Variants in SPTLC2 observed in about 807,000 individuals in gnomAD.
The protein encoded by SPTLC2 is serine palmitoyltransferase long chain base subunit 2.
SPTLC2 carries 21 observed loss-of-function variants against 62.0 expected under a neutral mutation model. The ratio of observed to expected loss-of-function variants is 0.34; its 90% CI spans 0.24 to 0.49. The LOEUF is 0.49. Ranked by LOEUF, SPTLC2 falls within the 20% of genes least tolerant of loss-of-function variation. The probability of loss-of-function intolerance (pLI) is 0.99; values close to 1 mark genes in which losing one functional copy is unlikely to be tolerated. For synonymous variants in SPTLC2, 261 were observed against 261.8 expected, an observed-to-expected ratio of 1.00 and a Z score of 0.03; for missense variants, 511 against 713.0, an observed-to-expected ratio of 0.72 and a Z score of 3.23.
At chr14:77,571,380 T>C (rs1362382926) in intron 4 of SPTLC2, among the ~76,000 whole-genome samples, 1 of 151,848 alleles carries the variant, frequency 6.6e-6, no homozygotes, top group Non-Finnish European at 1.5e-5. Context: ...CATGGTGGCG[T>C]GTGCCTGTAA....
At position 77,555,484 on chromosome 14, in the gene SPTLC2, A is replaced by G. The variant is rs750751524; in HGVS notation, c.992T>C (p.Ile331Thr). Reference protein sequence around the residue: ...EGSIVRLPEVIALKKKYKAYL... With the variant: ...EGSIVRLPEVTALKKKYKAYL... Reference sequence around the variant, plus strand: ...TGCCTTGTATTTCTTCTTGAGGGCAATCACTTCAGGAAGACGAACAATAGA... The same window carrying G: ...TGCCTTGTATTTCTTCTTGAGGGCAGTCACTTCAGGAAGACGAACAATAGA... The change falls in exon 8 of 12, where the codon ATT becomes ACT. Residue 331 changes from isoleucine (I) to threonine (T), a missense_variant. Coordinates refer to ENST00000216484, the MANE Select transcript of SPTLC2 (RefSeq NM_004863.4). The G allele has an allele frequency of 5.6e-6, 9 of 1,614,076 alleles. No homozygotes were observed. The highest frequency in any genetic ancestry group is 5.0e-5 in the Admixed American group (3 of 59,988).
At chr14:77,521,680 C>G in intron 9 of SPTLC2, 99 bp from the exon 10 acceptor site, 1 of 1,142,274 alleles carries the variant, frequency 8.8e-7, no homozygotes, top group Non-Finnish European at 1.3e-6. Context: ...CTAATCAGTT[C>G]TGTTTCGTTT....
chr14:77,558,552 C>T (rs1009931845), intron 6 of SPTLC2, among the ~76,000 whole-genome samples: 3 of 152,042 alleles, frequency 2.0e-5, no homozygotes, highest in African/African-American at 4.8e-5. Context: ...AATCTGCATA[C>T]GACCTAATCA....
chr14:77,575,793 A>G (rs2079712439), intron 4 of SPTLC2, among the ~76,000 whole-genome samples: 1 of 152,210 alleles, frequency 6.6e-6, no homozygotes, highest in Admixed American at 6.5e-5. Flanking sequence ...TTGGCCTCAC[A>G]AAGTGCTGGG....
intron 9 of SPTLC2, among the ~76,000 whole-genome samples, chr14:77,524,657 C>T (rs976097865): frequency 2.6e-5 from 4 of 152,180 alleles, no homozygotes; most frequent in African/African-American, 7.2e-5. Flanking sequence ...ATGCACACAA[C>T]GGAATACTAT....
chr14:77,599,808 T>C (rs1377607911), intron 1 of SPTLC2, among the ~76,000 whole-genome samples: 1 of 152,110 alleles, frequency 6.6e-6, no homozygotes, highest in Non-Finnish European at 1.5e-5. Context: ...AACATAACAA[T>C]ATAAAAAAGT....
At chr14:77,556,685 C>T (rs958044322) in intron 7 of SPTLC2, among the ~76,000 whole-genome samples, 8 of 152,068 alleles carry the variant, frequency 5.3e-5, no homozygotes, top group African/African-American at 1.9e-4. Context: ...AGCCACTGCA[C>T]TCAGCCTAAA....
chr14:77,535,643 G>C (rs2079465790), intron 9 of SPTLC2: 1 of 183,816 alleles, frequency 5.4e-6, no homozygotes, highest in Non-Finnish European at 1.1e-5. Flanking sequence ...TGCATATGAG[G>C]TATGAGACCA....
intron 7 of SPTLC2, among the ~76,000 whole-genome samples, chr14:77,556,806 A>G (rs1268836623): frequency 6.6e-6 from 1 of 152,240 alleles, no homozygotes; most frequent in East Asian, 1.9e-4. Flanking sequence ...AGAAAAATAA[A>G]AGACTCAAAT....
rs371439273 is a variant in SPTLC2, at chr14:77,570,576, TAAAAG to T, written c.632-73_632-69del. 25,615 of 1,593,618 alleles carry T rather than the reference TAAAAG, an allele frequency of 0.016. 313 individuals carry two copies. The highest frequency in any genetic ancestry group is 0.039 in the South Asian group (3,521 of 90,176). On this transcript the variant is annotated intron_variant, in intron 4 of 11. Coordinates refer to ENST00000216484, the MANE Select transcript of SPTLC2 (RefSeq NM_004863.4). ...ATTTAAGAATTACTCATCACTTTAT[TAAAAG>T]AAATCATAGTATATGTGTTGTGTCC...
chr14:77,567,202 C>T (rs978515660), intron 5 of SPTLC2, among the ~76,000 whole-genome samples: 2 of 152,110 alleles, frequency 1.3e-5, no homozygotes, highest in Non-Finnish European at 2.9e-5. Context: ...GATCTCCACC[C>T]GTCTCAGCCT....
chr14:77,611,617 G>T (rs2079938177), intron 1 of SPTLC2, among the ~76,000 whole-genome samples: 1 of 152,114 alleles, frequency 6.6e-6, no homozygotes, highest in Non-Finnish European at 1.5e-5. Flanking sequence ...CCTGAGGTCA[G>T]GAGTTCGAGA....
chr14:77,581,779 T>C (rs1351094681), intron 2 of SPTLC2, among the ~76,000 whole-genome samples: 1 of 152,176 alleles, frequency 6.6e-6, no homozygotes, highest in African/African-American at 2.4e-5. Context: ...ATAAATAACA[T>C]GTCTATCACA....
intron 2 of SPTLC2, among the ~76,000 whole-genome samples, chr14:77,581,893 C>A (rs953178191): frequency 1.3e-5 from 2 of 152,002 alleles, no homozygotes; most frequent in Admixed American, 6.6e-5. Flanking sequence ...CTAATTAAAA[C>A]TTTTTATTTG....
intron 2 of SPTLC2, among the ~76,000 whole-genome samples, chr14:77,593,560 T>C (rs1177947404): frequency 6.6e-6 from 1 of 152,174 alleles, no homozygotes; most frequent in Non-Finnish European, 1.5e-5. Flanking sequence ...GGTAAAGAAT[T>C]CCAAGAATTT....
chr14:77,513,408 A>T (rs1286912281), intron 11 of SPTLC2, among the ~76,000 whole-genome samples: 3 of 152,172 alleles, frequency 2.0e-5, no homozygotes, highest in Admixed American at 6.5e-5. Flanking sequence ...AATATTCTTC[A>T]TTTCAAAATG....
chr14:77,559,837 G>T (rs1280108814), intron 6 of SPTLC2, among the ~76,000 whole-genome samples: 1 of 152,144 alleles, frequency 6.6e-6, no homozygotes, highest in African/African-American at 2.4e-5. Flanking sequence ...GCTGTGGTGA[G>T]TTGTGGTTCT....
rs1247157555 is a variant in SPTLC2, at chr14:77,577,873, C to G, written c.483-958G>C. ...CAAGATGGTGCCACTGCACTCCAGC[C>G]TGGGTGACAGAGCAAGACTCTGACA... On this transcript the variant is annotated intron_variant, in intron 3 of 11. Coordinates refer to ENST00000216484, the MANE Select transcript of SPTLC2 (RefSeq NM_004863.4). 2.0e-5 allele frequency among the ~76,000 whole-genome samples: 3 copies of G among 152,164 alleles called. No homozygotes were observed. The East Asian group carries it at 5.8e-4, about 29-fold the overall frequency.
rs2139986580 is a variant in SPTLC2 at position 77,508,658 on chromosome 14, GAAGCA to G, written c.*3621_*3625del. ...CCCCCTGGTTTTCACCAATAAGAAG[GAAGCA>G]AAGTGTATAACACACTAGAAAATTC... is the stretch of plus-strand genomic sequence containing the variant. On this transcript the variant is annotated 3_prime_UTR_variant, in exon 12 of 12. Coordinates refer to ENST00000216484, the MANE Select transcript of SPTLC2 (RefSeq NM_004863.4). 6 of 152,276 alleles carry G rather than the reference GAAGCA, an allele frequency of 3.9e-5. No individual in the cohort carries two copies. The highest frequency in any genetic ancestry group is 1.4e-4 in the African/African-American group (6 of 41,558). The allele number at this position is 152,276 out of a possible 1,614,324, so 9.4% of individuals were successfully genotyped here.
Sources: allele counts gnomAD v4.1 joint callset (sites outside exome capture counted in the v4.1 genomes callset), GRCh38; gene constraint gnomAD v4.1.1; transcripts MANE v1.5; gene names NCBI Gene and HGNC (gene_info 2026-07-23, HGNC 2026-07-21).